Variants in RUNX1 observed in about 807,000 individuals in gnomAD.
RUNX1 encodes runt-related transcription factor 1.
Under a neutral mutation model 42.8 loss-of-function variants are expected in RUNX1, and 19 were observed. The observed-to-expected ratio is 0.44, with a 90% confidence interval of 0.31 to 0.65. The LOEUF is 0.65. RUNX1 is among the 30% of genes least tolerant of loss of function. The pLI is 0.07. For synonymous variants in RUNX1, 271 were observed against 289.4 expected, an observed-to-expected ratio of 0.94 and a Z score of 0.64; for missense variants, 528 against 672.0, an observed-to-expected ratio of 0.79 and a Z score of 2.37.
chr21:34,803,504 G>A (rs1055090220), intron 7 of RUNX1, among the ~76,000 whole-genome samples: 60 of 151,850 alleles, frequency 4.0e-4, no homozygotes, highest in African/African-American at 1.4e-3. Flanking sequence ...CCAAGATCGT[G>A]CCACTGCACT....
intron 7 of RUNX1, 136 bp from the exon 8 acceptor site, chr21:34,799,598 C>A (rs1015361321): frequency 2.8e-6 from 2 of 712,902 alleles, no homozygotes; most frequent in African/African-American, 1.8e-5. Flanking sequence ...GTTTAATAAG[C>A]CTACTCAAGT....
At chr21:35,037,649 C>T (rs2059318804) in intron 2 of RUNX1, among the ~76,000 whole-genome samples, 1 of 152,202 alleles carries the variant, frequency 6.6e-6, no homozygotes, top group Non-Finnish European at 1.5e-5. Context: ...TCCCAGCAGC[C>T]TAACCACAAG....
chr21:35,032,938 A>G (rs2059282783), intron 2 of RUNX1, among the ~76,000 whole-genome samples: 1 of 152,168 alleles, frequency 6.6e-6, no homozygotes, highest in Non-Finnish European at 1.5e-5. Flanking sequence ...GGACTGGTGA[A>G]GCTCCCTCCA....
intron 6 of RUNX1, among the ~76,000 whole-genome samples, chr21:34,850,648 G>A (rs760148402): frequency 4.0e-4 from 61 of 152,082 alleles, no homozygotes; most frequent in Non-Finnish European, 7.1e-4. Context: ...CAACATTTGG[G>A]GGCAAGGCCA....
At chr21:34,848,157 G>C (rs2057343878) in intron 6 of RUNX1, among the ~76,000 whole-genome samples, 1 of 152,180 alleles carries the variant, frequency 6.6e-6, no homozygotes, top group Admixed American at 6.5e-5. Flanking sequence ...CCCCAACAGA[G>C]GGATATCATA....
intron 6 of RUNX1, among the ~76,000 whole-genome samples, chr21:34,841,148 T>C (rs897059899): frequency 6.6e-6 from 1 of 152,082 alleles, no homozygotes; most frequent in Non-Finnish European, 1.5e-5. Flanking sequence ...TCAGTGGCAG[T>C]AGGCACATAA....
At chr21:34,821,620 C>T in intron 7 of RUNX1, 1 of 1,555,754 alleles carries the variant, frequency 6.4e-7, no homozygotes. Flanking sequence ...GAAAAGATAG[C>T]TCTATCCTGG....
At chr21:34,906,716 C>T (rs2058222898) in intron 2 of RUNX1, among the ~76,000 whole-genome samples, 1 of 152,122 alleles carries the variant, frequency 6.6e-6, no homozygotes, top group Non-Finnish European at 1.5e-5. Flanking sequence ...AATGACTTTC[C>T]CAAAGGACTC....
intron 2 of RUNX1, among the ~76,000 whole-genome samples, chr21:34,958,525 G>A (rs997694861): frequency 1.3e-5 from 2 of 152,184 alleles, no homozygotes; most frequent in East Asian, 1.9e-4. Flanking sequence ...AGTTAGAATG[G>A]CGATCATTCA....
rs1164425573 is a variant in RUNX1, at chr21:35,038,759, G to A, written c.58+10083C>T. 1.1e-5 allele frequency: 5 copies of A among 455,976 alleles called. 1 individual carries two copies. The highest frequency in any genetic ancestry group is 7.7e-5 in the South Asian group (5 of 64,544). The allele number at this position is 455,976 out of a possible 1,614,324, so 28.2% of individuals were successfully genotyped here. On this transcript the variant is annotated intron_variant, in intron 2 of 8. Transcript: ENST00000675419. Reference sequence around the variant, plus strand: ...ATCCCTAATGGGAATTATAGTTTGGGTTCCAATTTTTATACAAAGATCTCC... The same window carrying A: ...ATCCCTAATGGGAATTATAGTTTGGATTCCAATTTTTATACAAAGATCTCC...
intron 5 of RUNX1, among the ~76,000 whole-genome samples, chr21:34,872,171 C>T (rs528838765): frequency 2.6e-5 from 4 of 152,234 alleles, no homozygotes; most frequent in African/African-American, 9.6e-5. Context: ...TATGAGTGGA[C>T]ACTGTCCACT....
intron 2 of RUNX1, among the ~76,000 whole-genome samples, chr21:34,911,934 G>A (rs570338645): frequency 9.9e-5 from 15 of 151,988 alleles, no homozygotes; most frequent in Middle Eastern, 3.4e-3. Context: ...AAGTAACCCC[G>A]CTCCCTACCC....
rs111667378 is a variant in RUNX1 at position 34,957,027 on chromosome 21, C to A, written c.59-64064G>T. On this transcript the variant is annotated intron_variant, in intron 2 of 8. Coordinates refer to ENST00000675419, the MANE Select transcript of RUNX1 (RefSeq NM_001754.5). ...CCCTAGGACAGGCACCCACATTGTTCTTTTTGGAAGGAGTGGATCTGATGC... is the reference window on the plus strand; with the variant it reads ...CCCTAGGACAGGCACCCACATTGTTATTTTTGGAAGGAGTGGATCTGATGC... 5.7e-3 allele frequency among the ~76,000 whole-genome samples: 863 copies of A among 152,274 alleles called. 8 individuals carry two copies. The highest frequency in any genetic ancestry group is 0.02 in the African/African-American group (825 of 41,542).
At chr21:35,010,089 C>T (rs1043455306) in intron 2 of RUNX1, among the ~76,000 whole-genome samples, 1 of 152,092 alleles carries the variant, frequency 6.6e-6, no homozygotes, top group African/African-American at 2.4e-5. Flanking sequence ...AGAGAAAGCA[C>T]GACGTCTGTG....
At chr21:34,833,294 TG>T (rs1218990172) in intron 7 of RUNX1, 2 of 152,216 alleles carry the variant, frequency 1.3e-5, no homozygotes, top group African/African-American at 4.8e-5. Context: ...TTAGTAGAGT[TG>T]GGGTTTCACC....
intron 4 of RUNX1, among the ~76,000 whole-genome samples, chr21:34,881,794 T>C (rs1410854135): frequency 8.5e-5 from 13 of 152,214 alleles, no homozygotes; most frequent in Admixed American, 7.9e-4. Context: ...CTTTGTACAA[T>C]AGCATCAATT....
intron 3 of RUNX1, chr21:34,889,734 G>T: frequency 8.5e-7 from 1 of 1,181,308 alleles, no homozygotes; most frequent in Non-Finnish European, 1.1e-6. Context: ...GGTGCTGCGG[G>T]CATTTTCGCG....
intron 2 of RUNX1, among the ~76,000 whole-genome samples, chr21:34,975,018 AG>A (rs1418515824): frequency 1.3e-5 from 2 of 152,102 alleles, no homozygotes; most frequent in African/African-American, 4.8e-5. Context: ...CTAAAAGAGA[AG>A]GCAAGCAAGT....
Position 34,908,561 on chromosome 21 carries a change from C to T in RUNX1, c.59-15598G>A, listed in dbSNP as rs545685775. Among the ~76,000 whole-genome samples, 4 of 152,020 alleles carry T rather than the reference C, an allele frequency of 2.6e-5. No homozygotes were observed. In the South Asian group the frequency reaches 8.3e-4, roughly 32 times the overall value. On this transcript the variant is annotated intron_variant, in intron 2 of 8. Transcript: ENST00000675419. ...TTGCATCAACTCTGCAAGGTGTTTC[C>T]TGGGTTTTGTGGACAGGGGGGTCGG... is the stretch of plus-strand genomic sequence containing the variant.
Sources: gnomAD v4.1 joint callset for allele counts (sites outside exome capture counted in the v4.1 genomes callset) on GRCh38, gnomAD v4.1.1 for gene constraint, MANE v1.5 for transcripts, NCBI Gene and HGNC (gene_info 2026-07-23, HGNC 2026-07-21) for gene names.